LRRC3B: variants seen among roughly 807,000 people sequenced by gnomAD.
LRRC3B encodes the protein leucine rich repeat containing 3B, also known as leucine-rich repeat-containing protein 3B.
Under a neutral mutation model 12.8 loss-of-function variants are expected in LRRC3B, and 2 were observed. The observed-to-expected ratio is 0.16, with a 90% CI of 0.06 to 0.49. LRRC3B has a LOEUF of 0.49. Among genes scored for constraint, LRRC3B ranks in the 20% least tolerant of loss-of-function variants. The pLI is 0.96. For synonymous variants in LRRC3B, 132 were observed against 122.0 expected (o/e 1.08, Z -0.54); for missense variants, 189 against 319.4 (o/e 0.59, Z 3.11).
At chr3:26,669,320 C>A (rs1699672470) in intron 1 of LRRC3B, among the ~76,000 whole-genome samples, 1 of 152,088 alleles carries the variant, frequency 6.6e-6, no homozygotes, top group Admixed American at 6.5e-5. Context: ...AGAACAATTC[C>A]TTCTCCTTCA....
intron 1 of LRRC3B, among the ~76,000 whole-genome samples, chr3:26,708,839 A>G (rs981516510): frequency 3.3e-4 from 50 of 152,286 alleles, no homozygotes; most frequent in Admixed American, 3.0e-3. Context: ...GGAAGGGGAT[A>G]TGGTCCTTAG....
intron 1 of LRRC3B, among the ~76,000 whole-genome samples, chr3:26,626,593 GT>G (rs1272773552): frequency 6.6e-6 from 1 of 152,028 alleles, no homozygotes; most frequent in African/African-American, 2.4e-5. Flanking sequence ...CACTCCTGCT[GT>G]TTTTTTAACA....
chr3:26,706,298 G>GTATCT (rs1700585538), intron 1 of LRRC3B, among the ~76,000 whole-genome samples: 1 of 152,026 alleles, frequency 6.6e-6, no homozygotes, highest in Admixed American at 6.6e-5. Flanking sequence ...ATATGTGAAG[G>GTATCT]ACCCACATAT....
In LRRC3B at chr3:26,647,398, A is replaced by G. The variant is rs532363014; in HGVS notation, c.-161+24161A>G. ...TCACTCCTGTATGCCAGCACCTGGCACATACTAGTTGCTCAACAAATATTT... is the reference window on the plus strand; with the variant it reads ...TCACTCCTGTATGCCAGCACCTGGCGCATACTAGTTGCTCAACAAATATTT... On this transcript the variant is annotated intron_variant, in intron 1 of 1. Transcript: ENST00000396641. Among the ~76,000 whole-genome samples, 3 of 152,320 alleles carry G rather than the reference A, an allele frequency of 2.0e-5. No homozygotes were observed. The East Asian group carries it at 5.8e-4, about 29-fold the overall frequency.
intron 1 of LRRC3B, among the ~76,000 whole-genome samples, chr3:26,662,604 G>A (rs999565258): frequency 2.6e-5 from 4 of 152,070 alleles, no homozygotes; most frequent in Admixed American, 2.6e-4. Context: ...GCATGTATGT[G>A]GGATGTGTGT....
At chr3:26,662,609 G>A (rs982231912) in intron 1 of LRRC3B, among the ~76,000 whole-genome samples, 1 of 152,164 alleles carries the variant, frequency 6.6e-6, no homozygotes, top group Non-Finnish European at 1.5e-5. Flanking sequence ...TATGTGGGAT[G>A]TGTGTATGAG....
chr3:26,643,495 C>A (rs751648873), intron 1 of LRRC3B, among the ~76,000 whole-genome samples: 13 of 152,098 alleles, frequency 8.5e-5, no homozygotes, highest in Non-Finnish European at 1.5e-4. Context: ...AGTCATCTCC[C>A]AGTTTTCCAC....
chr3:26,691,101 G>GTATATA lies in LRRC3B; in HGVS notation c.-160-18411_-160-18410insATATAT, dbSNP rs1461673808. ...TATGTGTGTGTGTATATGTGTGTGT[G>GTATATA]TGTGTATATATATATATATATATAT... is the stretch of plus-strand genomic sequence containing the variant. On this transcript the variant is annotated intron_variant, in intron 1 of 1. Coordinates refer to ENST00000396641, the Ensembl canonical transcript of LRRC3B. Among the ~76,000 whole-genome samples the GTATATA allele has an allele frequency of 1.8e-3, 81 of 45,662 alleles. 2 individuals carry two copies. The South Asian group carries it at 0.03, about 17-fold the overall frequency. 30.0% of individuals were successfully genotyped at this position (45,662 alleles called of 152,430 possible). A position where few individuals can be genotyped will look rare whatever the true frequency, so the allele number is the denominator to read the frequency against.
intron 1 of LRRC3B, among the ~76,000 whole-genome samples, chr3:26,659,558 C>A (rs1353407356): frequency 6.6e-6 from 1 of 152,102 alleles, no homozygotes; most frequent in Non-Finnish European, 1.5e-5. Flanking sequence ...CATTTGATTA[C>A]CATGGAGATA....
At position 26,636,954 on chromosome 3, in the gene LRRC3B, CTT is replaced by C. The variant is rs1559350373; in HGVS notation, c.-161+13719_-161+13720del. Among the ~76,000 whole-genome samples, 109 of 124,576 alleles carry C rather than the reference CTT, an allele frequency of 8.7e-4. 3 individuals carry two copies. In the East Asian group the frequency reaches 0.019, roughly 22 times the overall value. 81.7% of individuals were successfully genotyped at this position (124,576 alleles called of 152,430 possible). ...TCTTTCTTTCTTTCTTTCTTTCTTT[CTT>C]TCTTTCTTTCTTTCTTTCTCTCTCT... On this transcript the variant is annotated intron_variant, in intron 1 of 1. Coordinates refer to ENST00000396641, the Ensembl canonical transcript of LRRC3B.
At chr3:26,646,479 G>A (rs926819873) in intron 1 of LRRC3B, among the ~76,000 whole-genome samples, 5 of 151,734 alleles carry the variant, frequency 3.3e-5, no homozygotes, top group African/African-American at 1.2e-4. Flanking sequence ...TCTTTCTTTT[G>A]CAGTCACCTT....
At chr3:26,671,960 A>C (rs927521979) in intron 1 of LRRC3B, among the ~76,000 whole-genome samples, 5 of 152,200 alleles carry the variant, frequency 3.3e-5, no homozygotes, top group African/African-American at 1.2e-4. Flanking sequence ...TAGGCGGTTG[A>C]AAATGGAAAC....
At chr3:26,693,123 G>A (rs1341087870) in intron 1 of LRRC3B, among the ~76,000 whole-genome samples, 1 of 151,848 alleles carries the variant, frequency 6.6e-6, no homozygotes, top group African/African-American at 2.4e-5. Flanking sequence ...GAGGTCAGGA[G>A]ATCGAGACCA....
chr3:26,682,009 C>A (rs956593293), intron 1 of LRRC3B, among the ~76,000 whole-genome samples: 2 of 151,756 alleles, frequency 1.3e-5, no homozygotes, highest in South Asian at 2.1e-4. Context: ...AAGATATTAA[C>A]AATAAATAAT....
At chr3:26,707,373 A>C (rs1460566061) in intron 1 of LRRC3B, among the ~76,000 whole-genome samples, 4 of 151,740 alleles carry the variant, frequency 2.6e-5, no homozygotes, top group Non-Finnish European at 2.9e-5. Context: ...CTCAAAAAAT[A>C]AAAATAAAAT....
intron 1 of LRRC3B, among the ~76,000 whole-genome samples, chr3:26,626,509 A>G (rs1346610583): frequency 6.6e-6 from 1 of 152,230 alleles, no homozygotes; most frequent in African/African-American, 2.4e-5. Flanking sequence ...CATTTGTAGC[A>G]TAACTAATGC....
At chr3:26,645,367 C>T (rs1192219963) in intron 1 of LRRC3B, among the ~76,000 whole-genome samples, 1 of 152,064 alleles carries the variant, frequency 6.6e-6, no homozygotes, top group Non-Finnish European at 1.5e-5. Context: ...TAAAGATGGT[C>T]TCTGGTAAGC....
intron 1 of LRRC3B, among the ~76,000 whole-genome samples, chr3:26,707,609 G>A (rs897717765): frequency 2.6e-5 from 4 of 152,120 alleles, no homozygotes; most frequent in Admixed American, 6.5e-5. Context: ...TAGGCTGGTT[G>A]CATATACTCA....
chr3:26,658,998 G>A (rs1173702766), intron 1 of LRRC3B, among the ~76,000 whole-genome samples: 6 of 152,192 alleles, frequency 3.9e-5, no homozygotes, highest in African/African-American at 9.7e-5. Flanking sequence ...TTTGCACAAT[G>A]CATTGGGAGT....
Sources: allele counts gnomAD v4.1 joint callset (sites outside exome capture counted in the v4.1 genomes callset), GRCh38; gene constraint gnomAD v4.1.1; transcripts MANE v1.5; gene names NCBI Gene and HGNC (gene_info 2026-07-23, HGNC 2026-07-21).